EPHB1: variants seen among roughly 807,000 people sequenced by gnomAD.
The protein encoded by EPHB1 is ephrin type-B receptor 1.
A neutral mutation model predicts 94.4 loss-of-function variants in EPHB1; 30 were observed. The ratio of observed to expected loss-of-function variants is 0.32; its 90% confidence interval spans 0.24 to 0.43. EPHB1 has a LOEUF of 0.43. Ranked by LOEUF, EPHB1 falls within the 20% of genes least tolerant of loss-of-function variation. EPHB1 has a pLI of 1.00. For missense variants in EPHB1, 1,055 were observed against 1,308.3 expected (o/e 0.81, Z 2.99); for synonymous variants, 522 against 489.1 (o/e 1.07, Z -0.89).
At chr3:135,023,273 T>C (rs572054563) in intron 3 of EPHB1, among the ~76,000 whole-genome samples, 23 of 152,366 alleles carry the variant, frequency 1.5e-4, no homozygotes, top group African/African-American at 5.5e-4. Flanking sequence ...ACAGGCACTC[T>C]TACTGCCTTA....
chr3:134,809,955 G>T (rs1458076344), intron 1 of EPHB1, among the ~76,000 whole-genome samples: 2 of 152,200 alleles, frequency 1.3e-5, no homozygotes, highest in Non-Finnish European at 2.9e-5. Flanking sequence ...ACTACCACAA[G>T]ATCAGGCAGG....
intron 12 of EPHB1, among the ~76,000 whole-genome samples, chr3:135,204,881 C>CTTTTTT (rs71624063): frequency 1.4e-5 from 1 of 73,916 alleles, no homozygotes; most frequent in African/African-American, 5.9e-5. Flanking sequence ...AGGTTTTATT[C>CTTTTTT]TTTTTTTTTT....
chr3:134,859,627 AAGACCCTGG>A (rs2108303118), intron 1 of EPHB1, among the ~76,000 whole-genome samples: 1 of 152,310 alleles, frequency 6.6e-6, no homozygotes, highest in Non-Finnish European at 1.5e-5. Context: ...TCTGAGCTTC[AAGACCCTGG>A]CTTCTGTCCT....
intron 1 of EPHB1, among the ~76,000 whole-genome samples, chr3:134,862,363 G>A (rs2037283322): frequency 6.6e-6 from 1 of 152,044 alleles, no homozygotes; most frequent in Non-Finnish European, 1.5e-5. Context: ...TCTTTAGTTT[G>A]TCTTCATGGA....
At chr3:135,121,951 C>T (rs1405607753) in intron 4 of EPHB1, among the ~76,000 whole-genome samples, 2 of 152,150 alleles carry the variant, frequency 1.3e-5, no homozygotes, top group Admixed American at 6.5e-5. Context: ...ATGCTTTAAC[C>T]TATGTTATGC....
chr3:135,222,819 TG>T, intron 12 of EPHB1, among the ~76,000 whole-genome samples: 1 of 152,328 alleles, frequency 6.6e-6, no homozygotes, highest in African/African-American at 2.4e-5. Context: ...AAAGGATCAG[TG>T]AACCAATACA....
intron 1 of EPHB1, among the ~76,000 whole-genome samples, chr3:134,867,098 C>T (rs1012330020): frequency 2.0e-5 from 3 of 151,996 alleles, no homozygotes; most frequent in East Asian, 3.9e-4. Context: ...GCTGGGAGGG[C>T]CACAGCCTAA....
chr3:135,109,011 G>C (rs767031072), intron 4 of EPHB1, among the ~76,000 whole-genome samples: 1 of 152,190 alleles, frequency 6.6e-6, no homozygotes, highest in Non-Finnish European at 1.5e-5. Flanking sequence ...GGGAACAAGG[G>C]GAAGGTGCAG....
chr3:135,025,301 G>T (rs36117574), intron 3 of EPHB1, among the ~76,000 whole-genome samples: 4 of 119,444 alleles, frequency 3.3e-5, no homozygotes, highest in Non-Finnish European at 6.9e-5. Flanking sequence ...ATGCTGGTGT[G>T]CTGCACCCAC....
chr3:135,029,075 T>C lies in EPHB1; in HGVS notation c.805+77023T>C, dbSNP rs559380011. ...CTGCCTTTTTTTGTTTTCCCTTTGC[T>C]TGGTAGATCTTCCTCCATCCTTTTA... On this transcript the variant is annotated intron_variant, in intron 3 of 15. Coordinates refer to ENST00000398015, the MANE Select transcript of EPHB1 (RefSeq NM_004441.5). 1.1e-4 allele frequency among the ~76,000 whole-genome samples: 14 copies of C among 127,138 alleles called. No individual in the cohort carries two copies. In the East Asian group the frequency reaches 2.6e-3, roughly 24 times the overall value. 83.4% of individuals were successfully genotyped at this position (127,138 alleles called of 152,430 possible).
intron 13 of EPHB1, among the ~76,000 whole-genome samples, chr3:135,243,359 CG>C (rs995175388): frequency 1.3e-4 from 20 of 152,094 alleles, no homozygotes; most frequent in African/African-American, 4.8e-4. Flanking sequence ...TTTTACAGTC[CG>C]GTGGCATAAA....
At chr3:134,863,264 T>C (rs966217222) in intron 1 of EPHB1, among the ~76,000 whole-genome samples, 2 of 152,216 alleles carry the variant, frequency 1.3e-5, no homozygotes, top group Admixed American at 1.3e-4. Flanking sequence ...CCATTGTTCT[T>C]GTATATCTGC....
chr3:134,865,311 C>T (rs1259090222), intron 1 of EPHB1, among the ~76,000 whole-genome samples: 2 of 152,092 alleles, frequency 1.3e-5, no homozygotes, highest in Admixed American at 1.3e-4. Flanking sequence ...GAGCCACAAC[C>T]TGCATATTGA....
At chr3:135,019,067 A>G (rs1156391408) in intron 3 of EPHB1, among the ~76,000 whole-genome samples, 1 of 152,144 alleles carries the variant, frequency 6.6e-6, no homozygotes, top group African/African-American at 2.4e-5. Flanking sequence ...GGCCTCAGCC[A>G]TCACAGCCAC....
intron 1 of EPHB1, among the ~76,000 whole-genome samples, chr3:134,802,533 C>T (rs1466172531): frequency 6.6e-6 from 1 of 152,082 alleles, no homozygotes; most frequent in Non-Finnish European, 1.5e-5. Flanking sequence ...TAGCCAATAT[C>T]AAGAAGGCTA....
intron 1 of EPHB1, among the ~76,000 whole-genome samples, chr3:134,899,812 C>A (rs553822441): frequency 1.2e-4 from 19 of 152,320 alleles, no homozygotes; most frequent in African/African-American, 4.3e-4. Context: ...ATATCTGGGA[C>A]TACAGGCACA....
chr3:134,797,822 C>T (rs938464184), intron 1 of EPHB1, among the ~76,000 whole-genome samples: 2 of 152,154 alleles, frequency 1.3e-5, no homozygotes, highest in African/African-American at 4.8e-5. Flanking sequence ...GAAAATCTCT[C>T]CAGCAAGGGT....
In EPHB1 at chr3:135,248,516, C is replaced by G. The variant is rs746324939; in HGVS notation, c.2690+7C>G. On this transcript the variant is annotated splice_region_variant and intron_variant, in intron 14 of 15. Transcript: ENST00000398015. ...TGGCAACCATCACCGCCGTGTGAGT[C>G]TAGTGAAACGGTGATCCCTAAATAT... 1.3e-6 allele frequency: 2 copies of G among 1,580,360 alleles called. No homozygotes were observed. The highest frequency in any genetic ancestry group is 2.3e-5 in the South Asian group (2 of 87,962).
intron 1 of EPHB1, among the ~76,000 whole-genome samples, chr3:134,919,842 G>GTA (rs66847659): frequency 1.3e-5 from 1 of 76,294 alleles, no homozygotes; most frequent in Non-Finnish European, 2.7e-5. Flanking sequence ...TAGGGCAGGG[G>GTA]TGTGTGTGTG....
Sources: allele counts gnomAD v4.1 joint callset (sites outside exome capture counted in the v4.1 genomes callset), GRCh38; gene constraint gnomAD v4.1.1; transcripts MANE v1.5; gene names NCBI Gene and HGNC (gene_info 2026-07-23, HGNC 2026-07-21).